RSBN1: variants seen among roughly 807,000 people sequenced by gnomAD.
The protein encoded by RSBN1 is lysine-specific demethylase 9.
RSBN1 carries 23 observed loss-of-function variants against 74.8 expected under a neutral mutation model. The observed-to-expected ratio is 0.31, with a 90% CI of 0.22 to 0.44. The LOEUF is 0.44. RSBN1 is among the 20% of genes least tolerant of loss of function. The pLI is 1.00. For missense variants in RSBN1, 808 were observed against 1,020.9 expected (o/e 0.79, Z 2.84); for synonymous variants, 407 against 379.6 (o/e 1.07, Z -0.84).
At chr1:113,772,011 GA>G (rs1323391770) in intron 4 of RSBN1, among the ~76,000 whole-genome samples, 1 of 151,872 alleles carries the variant, frequency 6.6e-6, no homozygotes, top group African/African-American at 2.4e-5. Flanking sequence ...ATATAGAAAA[GA>G]AAGATGCTTT....
At chr1:113,801,331 C>CT (rs1013472240) in intron 1 of RSBN1, among the ~76,000 whole-genome samples, 16 of 152,092 alleles carry the variant, frequency 1.1e-4, no homozygotes, top group African/African-American at 3.9e-4. Context: ...GAAAGCTTGA[C>CT]TTTTTTTACA....
At chr1:113,801,790 C>T (rs982344991) in intron 1 of RSBN1, among the ~76,000 whole-genome samples, 7 of 152,158 alleles carry the variant, frequency 4.6e-5, no homozygotes, top group Non-Finnish European at 8.8e-5. Flanking sequence ...GATACATTCA[C>T]TTAAGAAACA....
At chr1:113,800,240 G>C (rs776049232) in intron 1 of RSBN1, among the ~76,000 whole-genome samples, 21 of 152,076 alleles carry the variant, frequency 1.4e-4, no homozygotes, top group Non-Finnish European at 2.8e-4. Flanking sequence ...AATATCACTT[G>C]TAATTAAACT....
rs764324734 is a variant in RSBN1, at chr1:113,811,997, T to C, written c.416A>G (p.Glu139Gly). 2.6e-5 allele frequency: 40 copies of C among 1,555,046 alleles called. No individual in the cohort carries two copies. The highest frequency in any genetic ancestry group is 3.1e-5 in the Non-Finnish European group (36 of 1,150,068). ...NAAPTVPGPVEPLLLPPPPPP... is the reference protein window; with the variant it reads ...NAAPTVPGPVGPLLLPPPPPP... ...CGGCGGAGGCGGCAGGAGAAGAGGC[T>C]CAACAGGGCCTGGGACAGTTGGGGC... The change falls in exon 1 of 7, where the codon GAG (glutamate) becomes GGG (glycine). Residue 139 changes from glutamate to glycine, a missense_variant. This residue lies in a region of RSBN1 where 464 missense variants were observed against 401.0 expected (regional missense o/e 1.16). Coordinates refer to ENST00000261441, the MANE Select transcript of RSBN1 (RefSeq NM_018364.5).
intron 6 of RSBN1, 100 bp downstream of exon 6, chr1:113,766,999 C>A: frequency 1.2e-5 from 7 of 593,646 alleles, no homozygotes; most frequent in Middle Eastern, 4.6e-4. Flanking sequence ...AAATTAAACT[C>A]ACTATCCCAC....
At position 113,812,110 on chromosome 1, in the gene RSBN1, C is replaced by G; in HGVS notation, c.303G>C (p.Gly101=). The G allele has an allele frequency of 6.2e-7, 1 of 1,600,498 alleles. No individual in the cohort carries two copies. Among genetic ancestry groups the G allele is most frequent in the Non-Finnish European group, 8.5e-7 (1 of 1,174,260 alleles). Residue 101 remains glycine, a synonymous_variant, in exon 1 of 7, where the codon GGG becomes GGC. Transcript: ENST00000261441. ...SSSGGSQEKR[G]RPSQEPPLAP... The stretch of plus-strand genomic sequence containing the variant: ...CGAGAGGGGGCTCCTGGCTCGGCCG[C>G]CCCCGCTTCTCCTGAGACCCCCCAC...
intron 1 of RSBN1, among the ~76,000 whole-genome samples, chr1:113,811,330 T>A (rs1044555576): frequency 6.6e-6 from 1 of 152,180 alleles, no homozygotes; most frequent in Non-Finnish European, 1.5e-5. Context: ...GGAGAGCAGA[T>A]AACTAAAGCT....
chr1:113,782,139 C>G (rs1438597324), intron 2 of RSBN1, among the ~76,000 whole-genome samples: 1 of 152,154 alleles, frequency 6.6e-6, no homozygotes, highest in Non-Finnish European at 1.5e-5. Flanking sequence ...ATACATTTCG[C>G]AAATTCTAAA....
chr1:113,792,823 A>AGGGAG (rs1660392555), intron 2 of RSBN1, among the ~76,000 whole-genome samples: 1 of 152,064 alleles, frequency 6.6e-6, no homozygotes, highest in South Asian at 2.1e-4. Flanking sequence ...AAGGAAGGGA[A>AGGGAG]GGGAGGGGAA....
Position 113,807,804 on chromosome 1 carries a change from C to T in RSBN1, c.703+3906G>A, listed in dbSNP as rs975662842. 2.0e-4 allele frequency among the ~76,000 whole-genome samples: 29 copies of T among 147,846 alleles called. No homozygotes were observed. The South Asian group carries it at 5.0e-3, about 25-fold the overall frequency. On this transcript the variant is annotated intron_variant, in intron 1 of 6. Transcript: ENST00000261441. ...ATATATATATATGTATATGTATACACACACACACACACACACACACACAAA... is the reference window on the plus strand; with the variant it reads ...ATATATATATATGTATATGTATACATACACACACACACACACACACACAAA...
intron 4 of RSBN1, among the ~76,000 whole-genome samples, chr1:113,773,518 G>A (rs994980823): frequency 2.6e-5 from 4 of 151,864 alleles, no homozygotes; most frequent in African/African-American, 9.7e-5. Flanking sequence ...GCAAGACTCT[G>A]TCTAAAACAA....
intron 2 of RSBN1, among the ~76,000 whole-genome samples, chr1:113,787,044 C>A (rs544753962): frequency 6.6e-6 from 1 of 152,240 alleles, no homozygotes; most frequent in South Asian, 2.1e-4. Flanking sequence ...TCTCAAAAAA[C>A]AACTATTTCT....
In RSBN1 at chr1:113,812,050, A is replaced by G. The variant is rs993678473; in HGVS notation, c.363T>C (p.His121=). 8 of 1,547,738 alleles carry G rather than the reference A, an allele frequency of 5.2e-6. No homozygotes were observed. Among genetic ancestry groups the G allele is most frequent in the African/African-American group, 1.4e-5 (1 of 73,008 alleles). Residue 121 remains histidine (H), a synonymous_variant, in exon 1 of 7, where the codon CAT becomes CAC. Coordinates refer to ENST00000261441, the MANE Select transcript of RSBN1 (RefSeq NM_018364.5). ...CATTCGTTGGCGGCAGCGGCCCAGGATGTTGGCGGCTGCGACGCCGCCGGT... is the reference window on the plus strand; with the variant it reads ...CATTCGTTGGCGGCAGCGGCCCAGGGTGTTGGCGGCTGCGACGCCGCCGGT... ...PPHRRRRSRQ[H]PGPLPPTNAA... is the part of the protein sequence containing the mutation.
At chr1:113,767,495 C>G (rs1465644284) in intron 5 of RSBN1, among the ~76,000 whole-genome samples, 1 of 152,158 alleles carries the variant, frequency 6.6e-6, no homozygotes, top group Non-Finnish European at 1.5e-5. Flanking sequence ...TCTCCATGTC[C>G]TGAGCTTTGT....
rs1191467248 is a variant in RSBN1 at position 113,812,085 on chromosome 1, C to A, written c.328G>T (p.Ala110Ser). 2 of 1,584,604 alleles carry A rather than the reference C, an allele frequency of 1.3e-6. No homozygotes were observed. Among genetic ancestry groups the A allele is most frequent in the Admixed American group, 1.8e-5 (1 of 56,078 alleles). Residue 110 changes from alanine (A) to serine (S), a missense_variant, in exon 1 of 7, where the codon GCT (alanine) becomes TCT (serine). Ala to Ser is a moderately conservative substitution (Grantham distance 99). Coordinates refer to ENST00000261441, the MANE Select transcript of RSBN1 (RefSeq NM_018364.5). ...RGRPSQEPPLAPPHRRRRSRQ... is the reference protein window; with the variant it reads ...RGRPSQEPPLSPPHRRRRSRQ... ...CTGCGACGCCGCCGGTGAGGGGGAG[C>A]GAGAGGGGGCTCCTGGCTCGGCCGC...
intron 1 of RSBN1, among the ~76,000 whole-genome samples, chr1:113,804,779 G>A (rs1339448375): frequency 1.3e-5 from 2 of 151,900 alleles, no homozygotes; most frequent in Non-Finnish European, 2.9e-5. Flanking sequence ...ATTCTCCATT[G>A]CTAACATCAA....
chr1:113,768,631 C>T (rs1440709820), intron 4 of RSBN1, among the ~76,000 whole-genome samples: 1 of 152,100 alleles, frequency 6.6e-6, no homozygotes. Context: ...TTAGATTAGG[C>T]TCAAATGTAG....
intron 1 of RSBN1, among the ~76,000 whole-genome samples, chr1:113,802,657 T>A (rs750932317): frequency 1.6e-4 from 24 of 152,178 alleles, no homozygotes; most frequent in Non-Finnish European, 3.5e-4. Context: ...TCTAGTATAC[T>A]TTCTAGAAGT....
intron 1 of RSBN1, among the ~76,000 whole-genome samples, chr1:113,810,767 G>A (rs1431669533): frequency 1.3e-5 from 2 of 151,870 alleles, no homozygotes; most frequent in Non-Finnish European, 2.9e-5. Context: ...ATATTCCTGA[G>A]GAAAAACAAC....
Sources: gnomAD v4.1 joint callset for allele counts (sites outside exome capture counted in the v4.1 genomes callset) on GRCh38, gnomAD v4.1.1 for gene constraint, gnomAD v4.1.1 regional missense constraint, MANE v1.5 for transcripts, NCBI Gene and HGNC (gene_info 2026-07-23, HGNC 2026-07-21) for gene names.